Variants in EIPR1 observed in about 807,000 individuals in gnomAD.
EIPR1 encodes EARP and GARP complex-interacting protein 1.
A neutral mutation model predicts 48.1 loss-of-function variants in EIPR1; 25 were observed. The observed-to-expected ratio is 0.52, with a 90% CI of 0.38 to 0.73. EIPR1 has a LOEUF of 0.73. EIPR1 is among the 30% of genes least tolerant of loss of function. The pLI, the probability that EIPR1 is intolerant of heterozygous loss-of-function variation, is 0.00. For synonymous variants in EIPR1, 204 were observed against 201.9 expected (o/e 1.01, Z -0.09); for missense variants, 415 against 506.2 (o/e 0.82, Z 1.73).
At chr2:3,341,053 G>T (rs141146108) in intron 2 of EIPR1, among the ~76,000 whole-genome samples, 3 of 121,756 alleles carry the variant, frequency 2.5e-5, no homozygotes, top group Non-Finnish European at 4.7e-5. Context: ...CCGAGATCAC[G>T]CCACTGCACT....
chr2:3,249,693 T>C (rs1038495236), intron 4 of EIPR1, among the ~76,000 whole-genome samples: 3 of 152,166 alleles, frequency 2.0e-5, no homozygotes, highest in African/African-American at 7.2e-5. Flanking sequence ...ATCTCAGGCA[T>C]CTTGGGAGGG....
At chr2:3,351,148 G>A (rs140643670) in intron 2 of EIPR1, among the ~76,000 whole-genome samples, 19 of 151,930 alleles carry the variant, frequency 1.3e-4, no homozygotes, top group Admixed American at 3.3e-4. Context: ...TTACAGGTGC[G>A]TGCCACCACA....
intron 7 of EIPR1, among the ~76,000 whole-genome samples, chr2:3,193,407 T>C (rs1664680314): frequency 6.6e-6 from 1 of 152,252 alleles, no homozygotes; most frequent in Non-Finnish European, 1.5e-5. Context: ...CATACCTGTG[T>C]CACTCACACT....
At chr2:3,215,723 A>G (rs769443503) in intron 4 of EIPR1, among the ~76,000 whole-genome samples, 1 of 152,218 alleles carries the variant, frequency 6.6e-6, no homozygotes, top group Non-Finnish European at 1.5e-5. Context: ...ATATGGATTG[A>G]TTGGGGGCAC....
chr2:3,375,462 C>G (rs1327547055), intron 1 of EIPR1, among the ~76,000 whole-genome samples: 1 of 151,748 alleles, frequency 6.6e-6, no homozygotes, highest in African/African-American at 2.4e-5. Context: ...AGATAAAATC[C>G]TCTGGGTTTT....
chr2:3,234,005 G>T (rs1400846641), intron 4 of EIPR1, among the ~76,000 whole-genome samples: 2 of 152,188 alleles, frequency 1.3e-5, no homozygotes, highest in African/African-American at 4.8e-5. Flanking sequence ...TAACATAAAA[G>T]TGGCTACAGA....
chr2:3,357,815 GA>G (rs1349512317), intron 1 of EIPR1, among the ~76,000 whole-genome samples: 16 of 102,580 alleles, frequency 1.6e-4, no homozygotes, highest in Non-Finnish European at 2.5e-4. Flanking sequence ...TCTTTTAACA[GA>G]GTCCGTGAGC....
chr2:3,285,932 G>A (rs1482780448), intron 3 of EIPR1, among the ~76,000 whole-genome samples: 1 of 151,910 alleles, frequency 6.6e-6, no homozygotes, highest in Non-Finnish European at 1.5e-5. Flanking sequence ...GACTGTCGCC[G>A]GGACCCTCGC....
intron 4 of EIPR1, among the ~76,000 whole-genome samples, chr2:3,241,950 C>A (rs1425656755): frequency 6.6e-6 from 1 of 152,192 alleles, no homozygotes; most frequent in Non-Finnish European, 1.5e-5. Context: ...ACTCTAGGGA[C>A]ACCAAGAAAT....
intron 3 of EIPR1, among the ~76,000 whole-genome samples, chr2:3,294,081 C>T (rs984467094): frequency 6.6e-6 from 1 of 152,034 alleles, no homozygotes; most frequent in African/African-American, 2.4e-5. Context: ...TTATGTATAA[C>T]CATTTAACAA....
rs192731152 is a variant in EIPR1, at chr2:3,350,567, G to A, written c.126+3983C>T. Among the ~76,000 whole-genome samples the A allele has an allele frequency of 1.5e-3, 234 of 152,272 alleles. 1 individual carries two copies. The highest frequency in any genetic ancestry group is 5.3e-3 in the African/African-American group (222 of 41,564). ...TCACTAAACACTGAACTCAGGACAC[G>A]AATATCTGTTCAGGTTTTGTGTACC... On this transcript the variant is annotated intron_variant, in intron 2 of 8. Coordinates refer to ENST00000382125, the MANE Select transcript of EIPR1 (RefSeq NM_003310.5).
intron 2 of EIPR1, among the ~76,000 whole-genome samples, chr2:3,346,520 G>A (rs746895671): frequency 1.3e-5 from 2 of 152,186 alleles, no homozygotes; most frequent in Non-Finnish European, 2.9e-5. Flanking sequence ...ACCAGGCATC[G>A]AAAGGACACA....
intron 3 of EIPR1, among the ~76,000 whole-genome samples, chr2:3,285,535 TAA>T (rs989590123): frequency 1.1e-4 from 16 of 152,252 alleles, no homozygotes; most frequent in African/African-American, 3.9e-4. Flanking sequence ...CCATAAGAAT[TAA>T]AGTGTTGGAG....
intron 4 of EIPR1, among the ~76,000 whole-genome samples, chr2:3,253,354 C>T (rs1006615597): frequency 2.6e-5 from 4 of 152,126 alleles, no homozygotes; most frequent in South Asian, 2.1e-4. Flanking sequence ...AGCTGCGCCC[C>T]GACCACCTTG....
chr2:3,302,674 C>T lies in EIPR1; in HGVS notation c.259+35343G>A, dbSNP rs1668796630. Among the ~76,000 whole-genome samples, 2 of 152,238 alleles carry T rather than the reference C, an allele frequency of 1.3e-5. 1 individual carries two copies. The highest frequency in any genetic ancestry group is 4.8e-5 in the African/African-American group (2 of 41,468). On this transcript the variant is annotated intron_variant, in intron 3 of 8. Coordinates refer to ENST00000382125, the MANE Select transcript of EIPR1 (RefSeq NM_003310.5). ...AGTGGCCATTGCCAGAAGCCCAGGC[C>T]CGCTGCGGATCCACAGCCCTCCCTG...
chr2:3,223,406 GC>G (rs780427907), intron 4 of EIPR1, among the ~76,000 whole-genome samples: 1 of 152,212 alleles, frequency 6.6e-6, no homozygotes, highest in Non-Finnish European at 1.5e-5. Context: ...TATGCAAGCA[GC>G]CAGCTCAGGC....
chr2:3,190,104 AGG>A (rs1367042269), intron 8 of EIPR1, among the ~76,000 whole-genome samples: 2 of 151,952 alleles, frequency 1.3e-5, no homozygotes, highest in Non-Finnish European at 2.9e-5. Flanking sequence ...GGCCTCCCCC[AGG>A]GTGTTTCCCA....
chr2:3,200,110 T>C (rs925673266), intron 5 of EIPR1, among the ~76,000 whole-genome samples: 5 of 152,056 alleles, frequency 3.3e-5, no homozygotes, highest in African/African-American at 7.2e-5. Context: ...GCCATGGTGA[T>C]AGTCAGAGGA....
chr2:3,227,485 G>A (rs1666101157), intron 4 of EIPR1, among the ~76,000 whole-genome samples: 1 of 152,322 alleles, frequency 6.6e-6, no homozygotes, highest in African/African-American at 2.4e-5. Context: ...TCAAGAGGAA[G>A]CAGAGCATAA....
Sources: allele counts gnomAD v4.1 joint callset (sites outside exome capture counted in the v4.1 genomes callset), GRCh38; gene constraint gnomAD v4.1.1; transcripts MANE v1.5; gene names NCBI Gene and HGNC (gene_info 2026-07-23, HGNC 2026-07-21).